PPP2R3B: variants seen among roughly 807,000 people sequenced by gnomAD.
PPP2R3B encodes serine/threonine-protein phosphatase 2A regulatory subunit B'' subunit beta.
A neutral mutation model predicts 72.9 loss-of-function variants in PPP2R3B; 68 were observed. That is an observed-to-expected ratio of 0.93 (90% confidence interval 0.77 to 1.14). The LOEUF is 1.14. Ranked by LOEUF, PPP2R3B falls within the 50% of genes most tolerant of loss-of-function variation. PPP2R3B has a pLI of 0.00. For missense variants in PPP2R3B, 1,018 were observed against 842.0 expected (o/e 1.21, Z -2.59); for synonymous variants, 466 against 375.8 (o/e 1.24, Z -2.78).
intron 1 of PPP2R3B, among the ~76,000 whole-genome samples, chrX:380,304 C>T (rs1443511523): frequency 6.6e-6 from 1 of 152,204 alleles, no homozygotes; most frequent in Non-Finnish European, 1.5e-5. Flanking sequence ...GCACACACCA[C>T]ATTGTCTTAC....
At chrX:380,236 CTT>C (rs1175893989) in intron 1 of PPP2R3B, among the ~76,000 whole-genome samples, 1 of 152,178 alleles carries the variant, frequency 6.6e-6, no homozygotes, top group Non-Finnish European at 1.5e-5. Flanking sequence ...AAACTAAACA[CTT>C]TTGCTCTTTG....
chrX:337,022 T>G (rs922820370), intron 12 of PPP2R3B: 7 of 152,116 alleles, frequency 4.6e-5, no homozygotes, highest in African/African-American at 1.7e-4. Context: ...TGGCGCGATC[T>G]TGGCTCACTG....
At chrX:363,935 T>A (rs781407299) in intron 1 of PPP2R3B, among the ~76,000 whole-genome samples, 1 of 152,336 alleles carries the variant, frequency 6.6e-6, no homozygotes, top group South Asian at 2.1e-4. Context: ...TGATGAAAAC[T>A]GCCAAGAACC....
chrX:373,280 A>G (rs945727047), intron 1 of PPP2R3B, among the ~76,000 whole-genome samples: 8 of 152,250 alleles, frequency 5.3e-5, no homozygotes, highest in African/African-American at 1.9e-4. Flanking sequence ...CTCTTTTCAA[A>G]GCCCGGTTTT....
At chrX:363,786 C>A (rs2071617746) in intron 1 of PPP2R3B, among the ~76,000 whole-genome samples, 1 of 151,980 alleles carries the variant, frequency 6.6e-6, no homozygotes, top group Non-Finnish European at 1.5e-5. Flanking sequence ...GCCTGCGGCT[C>A]TTCCTCCTTC....
At chrX:346,517 A>G in intron 5 of PPP2R3B, 184 bp downstream of exon 5, 1 of 659,116 alleles carries the variant, frequency 1.5e-6, no homozygotes, top group South Asian at 2.0e-5. Context: ...CACCCCGGAA[A>G]ACCAGAGTCC....
intron 1 of PPP2R3B, among the ~76,000 whole-genome samples, chrX:381,819 C>T (rs1479775901): frequency 6.6e-6 from 1 of 151,900 alleles, no homozygotes; most frequent in Admixed American, 6.6e-5. Context: ...AAGATGGTCT[C>T]TATCTCCTGA....
intron 1 of PPP2R3B, among the ~76,000 whole-genome samples, chrX:380,362 A>G (rs888813751): frequency 1.3e-5 from 2 of 152,226 alleles, no homozygotes; most frequent in African/African-American, 4.8e-5. Context: ...CAACTCAGTG[A>G]TAACATAACC....
intron 1 of PPP2R3B, among the ~76,000 whole-genome samples, chrX:365,070 A>G (rs1228692406): frequency 7.1e-5 from 4 of 56,422 alleles, no homozygotes; most frequent in African/African-American, 3.2e-4. Flanking sequence ...ACGATTAACC[A>G]GGTGTGGTGG....
chrX:368,783 C>CCACCCACCTTGGGCACCGACAG (rs2071788919), intron 1 of PPP2R3B, among the ~76,000 whole-genome samples: 17 of 22,370 alleles, frequency 7.6e-4, no homozygotes, highest in Admixed American at 2.3e-3. Flanking sequence ...GGCACCGACA[C>CCACCCACCTTGGGCACCGACAG]GGGGAAGGCC....
At chrX:347,213 G>A (rs758044418) in intron 4 of PPP2R3B, 21 bp downstream of exon 4, 1 of 1,603,632 alleles carries the variant, frequency 6.2e-7, no homozygotes, top group Non-Finnish European at 8.5e-7. Context: ...TAAGGCCTGT[G>A]GTGTAGACGC....
At position 353,533 on chromosome X, in the gene PPP2R3B, G is replaced by A. The variant is rs766106777; in HGVS notation, c.511-5840C>T. Among the ~76,000 whole-genome samples, 6 of 152,254 alleles carry A rather than the reference G, an allele frequency of 3.9e-5. No homozygotes were observed. The South Asian group carries it at 1.2e-3, about 32-fold the overall frequency. The stretch of plus-strand genomic sequence containing the variant: ...AAATAACACCCATTCTAAACAAATG[G>A]CTCCAGAAAAGTGAATTCTAAAGGA... On this transcript the variant is annotated intron_variant, in intron 2 of 12. Transcript: ENST00000390665.
intron 5 of PPP2R3B, chrX:346,496 G>C (rs1392488369): frequency 9.5e-6 from 6 of 630,884 alleles, no homozygotes; most frequent in Non-Finnish European, 1.6e-5. Context: ...CAGGTGGGAA[G>C]GGGGTGCGGC....
At chrX:378,742 C>T (rs2072052571) in intron 1 of PPP2R3B, among the ~76,000 whole-genome samples, 2 of 152,130 alleles carry the variant, frequency 1.3e-5, no homozygotes. Flanking sequence ...TCGGAGGTTG[C>T]AAGAAGGGTT....
At chrX:384,598 T>C (rs1300190666) in intron 1 of PPP2R3B, among the ~76,000 whole-genome samples, 1 of 151,914 alleles carries the variant, frequency 6.6e-6, no homozygotes, top group East Asian at 1.9e-4. Flanking sequence ...CTGACCAATA[T>C]AAACAATATT....
At position 379,029 on chromosome X, in the gene PPP2R3B, CTGTGTGTGTGTATGCACCTGTGTGTT is replaced by C. The variant is rs1296484021; in HGVS notation, c.324+7313_324+7338del. Among the ~76,000 whole-genome samples the C allele has an allele frequency of 2.0e-5, 3 of 151,854 alleles. No homozygotes were observed. The East Asian group carries it at 5.8e-4, about 30-fold the overall frequency. On this transcript the variant is annotated intron_variant, in intron 1 of 12. Coordinates refer to ENST00000390665, the MANE Select transcript of PPP2R3B (RefSeq NM_013239.5). ...TAACCACACCTGTATGTACATGCAC[CTGTGTGTGTGTATGCACCTGTGTGTT>C]TGTGTGTATGCACCTGTGTGTGTGT...
In PPP2R3B at chrX:334,581, G is replaced by C; in HGVS notation, c.1578-64C>G. ...GGAGCAGGCCCTGGGCCGTTTTCCG[G>C]GAAACACAGGCTGCTCGGCCGCCAA... On this transcript the variant is annotated intron_variant, in intron 12 of 12. Transcript: ENST00000390665. 12 of 1,385,328 alleles carry C rather than the reference G, an allele frequency of 8.7e-6. No homozygotes were observed. In the South Asian group the frequency reaches 1.6e-4, roughly 19 times the overall value. 85.8% of individuals were successfully genotyped at this position (1,385,328 alleles called of 1,614,324 possible).
intron 1 of PPP2R3B, among the ~76,000 whole-genome samples, chrX:374,359 C>CCCGGCATCAAAGCGCG (rs1344990464): frequency 1.1e-4 from 17 of 152,232 alleles, no homozygotes; most frequent in Non-Finnish European, 2.5e-4. Context: ...ATCCCGGCAG[C>CCCGGCATCAAAGCGCG]CCGGCATCAA....
At chrX:351,054 G>A (rs1398079696) in intron 2 of PPP2R3B, among the ~76,000 whole-genome samples, 2 of 152,274 alleles carry the variant, frequency 1.3e-5, no homozygotes, top group East Asian at 3.9e-4. Context: ...GCGCCACAGC[G>A]GGGATTGCAG....
Sources: gnomAD v4.1 joint callset for allele counts (sites outside exome capture counted in the v4.1 genomes callset) on GRCh38, gnomAD v4.1.1 for gene constraint, MANE v1.5 for transcripts, NCBI Gene and HGNC (gene_info 2026-07-23, HGNC 2026-07-21) for gene names.